Variants in NWD2 observed in about 807,000 individuals in gnomAD.
NWD2 encodes NACHT and WD repeat domain containing 2.
NWD2 carries 37 observed loss-of-function variants against 132.7 expected under a neutral mutation model. The observed-to-expected ratio is 0.28, with a 90% CI of 0.21 to 0.37. The LOEUF is 0.37. Ranked by LOEUF, NWD2 falls within the 10% of genes least tolerant of loss-of-function variation. NWD2 has a pLI of 1.00. For missense variants in NWD2, 1,592 were observed against 2,122.4 expected (o/e 0.75, Z 4.91); for synonymous variants, 705 against 803.0 (o/e 0.88, Z 2.06).
intron 1 of NWD2, among the ~76,000 whole-genome samples, chr4:37,285,709 A>C (rs1718217446): frequency 6.6e-6 from 1 of 151,670 alleles, no homozygotes; most frequent in South Asian, 2.1e-4. Context: ...TACTTTATTT[A>C]GGGTTCTAAT....
intron 2 of NWD2, among the ~76,000 whole-genome samples, chr4:37,355,593 A>G (rs900244144): frequency 1.4e-4 from 21 of 152,228 alleles, no homozygotes; most frequent in Non-Finnish European, 2.1e-4. Flanking sequence ...CAAAGCTACA[A>G]CTGGGAACAT....
At chr4:37,283,284 T>C (rs928366054) in intron 1 of NWD2, among the ~76,000 whole-genome samples, 5 of 152,202 alleles carry the variant, frequency 3.3e-5, no homozygotes, top group Admixed American at 2.6e-4. Flanking sequence ...TATTATGGCT[T>C]TAGGAAAAAA....
intron 3 of NWD2, among the ~76,000 whole-genome samples, chr4:37,363,936 A>T (rs1287527617): frequency 6.6e-6 from 1 of 150,972 alleles, no homozygotes; most frequent in East Asian, 2.0e-4. Context: ...AGCCTGGCCA[A>T]CGTGGTGAAA....
chr4:37,336,952 GAAA>G (rs11371327), intron 2 of NWD2, among the ~76,000 whole-genome samples: 4 of 119,018 alleles, frequency 3.4e-5, no homozygotes, highest in African/African-American at 6.3e-5. Flanking sequence ...CTCAAAAAAA[GAAA>G]AAAAAAAAAA....
Position 37,439,180 on chromosome 4 carries a change from T to C in NWD2, c.1086T>C (p.Phe362=). ...TTCAGGCAACGATACAACAGAATTT[T>C]GACACTGAAACTGATACACTCTATG... is the stretch of plus-strand genomic sequence containing the variant. The part of the protein sequence containing the change: ...DIIQATIQQN[F]DTETDTLYDE... Residue 362 remains phenylalanine (F), a synonymous_variant, in exon 6 of 7, where the codon TTT becomes TTC. Transcript: ENST00000309447. This position sits in a 1 kb window ranked among gnomAD's most constrained non-coding sequence, Gnocchi z 4.5. The C allele has an allele frequency of 6.5e-7, 1 of 1,550,200 alleles. No homozygotes were observed. The highest frequency in any genetic ancestry group is 1.2e-5 in the South Asian group (1 of 83,750).
At chr4:37,312,526 T>G (rs1015937923) in intron 1 of NWD2, among the ~76,000 whole-genome samples, 4 of 151,090 alleles carry the variant, frequency 2.6e-5, no homozygotes, top group African/African-American at 9.9e-5. Flanking sequence ...AAGGAGATTT[T>G]GGGCTGAGAC....
In NWD2 at chr4:37,424,908, T is replaced by G. The variant is rs16993539; in HGVS notation, c.358-5664T>G. ...AGACTCAGACCCCAAAGATTCTCAG[T>G]TGCAGCAGAGCTAACTGCACATGAA... On this transcript the variant is annotated intron_variant, in intron 3 of 6. Transcript: ENST00000309447. Among the ~76,000 whole-genome samples, 877 of 152,266 alleles carry G rather than the reference T, an allele frequency of 5.8e-3. 8 individuals carry two copies. The highest frequency in any genetic ancestry group is 0.019 in the African/African-American group (809 of 41,558).
At chr4:37,313,781 C>A (rs1238373316) in intron 1 of NWD2, among the ~76,000 whole-genome samples, 1 of 151,066 alleles carries the variant, frequency 6.6e-6, no homozygotes, top group African/African-American at 2.5e-5. Flanking sequence ...TCACTGCAAC[C>A]TCTGCCTCCC....
chr4:37,286,706 C>G (rs949550584), intron 1 of NWD2, among the ~76,000 whole-genome samples: 3 of 152,148 alleles, frequency 2.0e-5, no homozygotes, highest in Non-Finnish European at 2.9e-5. Context: ...ATCATGATAC[C>G]TTCTTCACAG....
At chr4:37,371,601 G>T (rs1479762) in intron 3 of NWD2, among the ~76,000 whole-genome samples, 1 of 152,090 alleles carries the variant, frequency 6.6e-6, no homozygotes, top group African/African-American at 2.4e-5. Context: ...AGGCTTCCTT[G>T]TTCTTACTTC....
chr4:37,360,374 A>G (rs1284947109), intron 3 of NWD2, among the ~76,000 whole-genome samples: 1 of 152,210 alleles, frequency 6.6e-6, no homozygotes, highest in Non-Finnish European at 1.5e-5. Flanking sequence ...AAATGTAAAA[A>G]GTATCAAGGC....
rs1308703212 is a variant in NWD2, at chr4:37,433,892, A to T, written c.578A>T (p.Asn193Ile). 6.5e-7 allele frequency: 1 copy of T among 1,546,140 alleles called. No individual in the cohort carries two copies. Among genetic ancestry groups the T allele is most frequent in the South Asian group, 1.2e-5 (1 of 82,848 alleles). The change falls in exon 5 of 7, where the codon AAT becomes ATT. Residue 193 changes from asparagine to isoleucine, a missense_variant. Transcript: ENST00000309447. ...SNRNAMQPST[N>I]AENEKTWQEI... ...TTTCTATAGATGCAGCCTTCTACCA[A>T]TGCTGAAAACGAGAAGACATGGCAA...
intron 1 of NWD2, among the ~76,000 whole-genome samples, chr4:37,298,755 C>T (rs971312249): frequency 2.0e-5 from 3 of 152,086 alleles, no homozygotes; most frequent in Admixed American, 2.0e-4. Flanking sequence ...TAAACTATTT[C>T]CTCACAAAAT....
chr4:37,313,937 C>T (rs1421939411), intron 1 of NWD2, among the ~76,000 whole-genome samples: 1 of 151,068 alleles, frequency 6.6e-6, no homozygotes, highest in Non-Finnish European at 1.5e-5. Flanking sequence ...ACCTCATTAT[C>T]TGCACACGTC....
At chr4:37,344,940 C>T (rs1719603378) in intron 2 of NWD2, among the ~76,000 whole-genome samples, 1 of 152,158 alleles carries the variant, frequency 6.6e-6, no homozygotes. Context: ...TTTGCCTATT[C>T]TGCACATTTC....
chr4:37,447,590 A>C lies in NWD2; in HGVS notation c.*373A>C. 1 of 209,802 alleles carries C rather than the reference A, an allele frequency of 4.8e-6. No homozygotes were observed. The highest frequency in any genetic ancestry group is 1.1e-4 in the East Asian group (1 of 9,162). 13.0% of individuals were successfully genotyped at this position (209,802 alleles called of 1,614,324 possible). A position where few individuals can be genotyped will look rare whatever the true frequency, so the allele number is the denominator to read the frequency against. ...ATTAGTTCTACAAAAATCAGCTGAA[A>C]TCATGAAGACAAAGAGCTGCTTGAC... On this transcript the variant is annotated 3_prime_UTR_variant, in exon 7 of 7. Transcript: ENST00000309447.
Position 37,348,675 on chromosome 4 carries a change from T to TACACACACAC in NWD2, c.241-7672_241-7663dup, listed in dbSNP as rs1172614596. The stretch of plus-strand genomic sequence containing the variant: ...ATATATATATATATATATATATATA[T>TACACACACAC]ACACACACACACACACACACACACA... On this transcript the variant is annotated intron_variant, in intron 2 of 6. Transcript: ENST00000309447. Among the ~76,000 whole-genome samples, 89 of 22,550 alleles carry TACACACACAC rather than the reference T, an allele frequency of 3.9e-3. 1 individual carries two copies. The highest frequency in any genetic ancestry group is 0.014 in the African/African-American group (80 of 5,528). 14.8% of individuals were successfully genotyped at this position (22,550 alleles called of 152,430 possible). A position where few individuals can be genotyped will look rare whatever the true frequency, so the allele number is the denominator to read the frequency against.
intron 1 of NWD2, among the ~76,000 whole-genome samples, chr4:37,312,204 A>T (rs983504132): frequency 6.6e-6 from 1 of 151,612 alleles, no homozygotes; most frequent in African/African-American, 2.4e-5. Flanking sequence ...CATTGAATTT[A>T]TAAATTACCT....
intron 1 of NWD2, among the ~76,000 whole-genome samples, chr4:37,293,555 A>G (rs575073782): frequency 4.6e-5 from 7 of 152,318 alleles, no homozygotes; most frequent in African/African-American, 9.6e-5. Context: ...TGCCACTTTG[A>G]TATTTTATAT....
Sources: allele counts gnomAD v4.1 joint callset (sites outside exome capture counted in the v4.1 genomes callset), GRCh38; gene constraint gnomAD v4.1.1; non-coding constraint Gnocchi (gnomAD v3.1); transcripts MANE v1.5; gene names NCBI Gene and HGNC (gene_info 2026-07-23, HGNC 2026-07-21).